Variants in PTPRK observed in about 807,000 individuals in gnomAD.
The protein encoded by PTPRK is receptor-type tyrosine-protein phosphatase kappa.
Under a neutral mutation model 178.0 loss-of-function variants are expected in PTPRK, and 75 were observed. The observed-to-expected ratio is 0.42, with a 90% confidence interval of 0.35 to 0.51. The LOEUF is 0.51. PTPRK is among the 20% of genes least tolerant of loss of function. The pLI, the probability that PTPRK is intolerant of heterozygous loss-of-function variation, is 0.02. For synonymous variants in PTPRK, 637 were observed against 620.6 expected, an observed-to-expected ratio of 1.03 and a Z score of -0.39; for missense variants, 1,441 against 1,797.8, an observed-to-expected ratio of 0.80 and a Z score of 3.59.
chr6:128,430,251 G>A (rs1415894943), intron 1 of PTPRK, among the ~76,000 whole-genome samples: 2 of 152,184 alleles, frequency 1.3e-5, no homozygotes, highest in African/African-American at 4.8e-5. Flanking sequence ...TAGGGAGAAA[G>A]TTTAATTCTG....
At chr6:128,010,620 A>G (rs140328352) in intron 13 of PTPRK, among the ~76,000 whole-genome samples, 1 of 151,482 alleles carries the variant, frequency 6.6e-6, no homozygotes, top group African/African-American at 2.4e-5. Context: ...ATCTGAAAGA[A>G]TAAATATATC....
intron 13 of PTPRK, among the ~76,000 whole-genome samples, chr6:128,052,742 A>G (rs1250566801): frequency 2.0e-5 from 3 of 152,174 alleles, no homozygotes; most frequent in Non-Finnish European, 4.4e-5. Context: ...TTTGGGAGCT[A>G]CTTTGAAACT....
At chr6:127,973,451 A>G (rs1774172218) in intron 28 of PTPRK, among the ~76,000 whole-genome samples, 1 of 152,204 alleles carries the variant, frequency 6.6e-6, no homozygotes, top group Admixed American at 6.5e-5. Context: ...AGTGTTCCAA[A>G]GAGTTTAAAT....
At chr6:128,517,691 A>G (rs1858289711) in intron 1 of PTPRK, among the ~76,000 whole-genome samples, 1 of 152,232 alleles carries the variant, frequency 6.6e-6, no homozygotes. Flanking sequence ...ATGACACATC[A>G]AAGTCCCAAC....
intron 2 of PTPRK, among the ~76,000 whole-genome samples, chr6:128,323,423 A>G (rs1027154801): frequency 6.6e-6 from 1 of 152,150 alleles, no homozygotes; most frequent in Non-Finnish European, 1.5e-5. Flanking sequence ...AATTTTAACC[A>G]AAATATATCA....
At chr6:128,175,380 A>C (rs1036651024) in intron 7 of PTPRK, among the ~76,000 whole-genome samples, 1 of 151,894 alleles carries the variant, frequency 6.6e-6, no homozygotes, top group Non-Finnish European at 1.5e-5. Context: ...CTTTTCAGTT[A>C]TGTGGAAAAA....
At chr6:128,330,145 T>C (rs1381393322) in intron 2 of PTPRK, among the ~76,000 whole-genome samples, 9 of 152,168 alleles carry the variant, frequency 5.9e-5, no homozygotes, top group Admixed American at 5.9e-4. Flanking sequence ...TAATATTGCT[T>C]CATGCCCAGA....
intron 6 of PTPRK, among the ~76,000 whole-genome samples, chr6:128,208,210 C>A (rs969556925): frequency 6.6e-6 from 1 of 150,932 alleles, no homozygotes; most frequent in Non-Finnish European, 1.5e-5. Flanking sequence ...CTTTATCTAC[C>A]CTTAAGTAAA....
At chr6:128,178,349 C>T (rs1016896113) in intron 7 of PTPRK, among the ~76,000 whole-genome samples, 1 of 151,756 alleles carries the variant, frequency 6.6e-6, no homozygotes, top group Non-Finnish European at 1.5e-5. Context: ...TGGGCCCTCA[C>T]TAAAATTTGT....
At chr6:128,242,413 TAAC>T (rs1224860043) in intron 4 of PTPRK, 105 bp downstream of exon 4, 1 of 1,420,050 alleles carries the variant, frequency 7.0e-7, no homozygotes, top group Non-Finnish European at 9.3e-7. Context: ...GGACTAACAA[TAAC>T]AAGAGAGACA....
chr6:128,298,926 A>T (rs1462805916), intron 3 of PTPRK, among the ~76,000 whole-genome samples: 3 of 152,160 alleles, frequency 2.0e-5, no homozygotes, highest in Admixed American at 2.0e-4. Flanking sequence ...GAGGAAGTCA[A>T]ATTGTCCCTG....
chr6:128,080,442 T>C (rs933003533), intron 10 of PTPRK, among the ~76,000 whole-genome samples: 1 of 151,970 alleles, frequency 6.6e-6, no homozygotes, highest in Non-Finnish European at 1.5e-5. Flanking sequence ...AGTCTGAAGG[T>C]AGGGATACCA....
At chr6:128,493,137 A>G (rs1366738386) in intron 1 of PTPRK, among the ~76,000 whole-genome samples, 1 of 152,248 alleles carries the variant, frequency 6.6e-6, no homozygotes, top group African/African-American at 2.4e-5. Context: ...TGCAAAAGAA[A>G]GCCAGCATTC....
chr6:127,987,596 CA>C (rs1480299697), intron 21 of PTPRK, among the ~76,000 whole-genome samples: 1 of 152,024 alleles, frequency 6.6e-6, no homozygotes, highest in Non-Finnish European at 1.5e-5. Flanking sequence ...AATGTTTATA[CA>C]TCCCATTTAA....
Position 128,396,606 on chromosome 6 carries a change from G to A in PTPRK, c.223+960C>T, listed in dbSNP as rs537025641. Among the ~76,000 whole-genome samples, 37 of 152,152 alleles carry A rather than the reference G, an allele frequency of 2.4e-4. No individual in the cohort carries two copies. In the Middle Eastern group the frequency reaches 0.01, roughly 42 times the overall value. On this transcript the variant is annotated intron_variant, in intron 2 of 29. Transcript: ENST00000368226. ...AAATATTGACATCCTATGTTAATGT[G>A]TTTTTCCTAAGATGAAACATAATGC...
At chr6:128,382,402 T>C (rs1263326820) in intron 2 of PTPRK, among the ~76,000 whole-genome samples, 1 of 128,802 alleles carries the variant, frequency 7.8e-6, no homozygotes, top group Non-Finnish European at 1.6e-5. Flanking sequence ...AAAACCTATA[T>C]GAAAATTCTT....
intron 20 of PTPRK, 39 bp downstream of exon 20, chr6:127,991,255 T>TC (rs1562393519): frequency 6.7e-7 from 1 of 1,485,244 alleles, no homozygotes; most frequent in Admixed American, 1.9e-5. Flanking sequence ...TCAACTATGT[T>TC]CATTTTTATG....
intron 7 of PTPRK, among the ~76,000 whole-genome samples, chr6:128,107,114 A>C (rs1789849660): frequency 6.6e-6 from 1 of 152,120 alleles, no homozygotes; most frequent in Admixed American, 6.5e-5. Flanking sequence ...AAATAACCAA[A>C]ATTAAGCAAT....
intron 25 of PTPRK, among the ~76,000 whole-genome samples, chr6:127,980,748 A>AT (rs1268502617): frequency 6.6e-6 from 1 of 152,174 alleles, no homozygotes; most frequent in Non-Finnish European, 1.5e-5. Context: ...AATTAACATG[A>AT]TTTTTGTAGG....
Sources: gnomAD v4.1 joint callset for allele counts (sites outside exome capture counted in the v4.1 genomes callset) on GRCh38, gnomAD v4.1.1 for gene constraint, MANE v1.5 for transcripts, NCBI Gene and HGNC (gene_info 2026-07-23, HGNC 2026-07-21) for gene names.